Variants in MACROH2A1 observed in about 807,000 individuals in gnomAD.
MACROH2A1 encodes core histone macro-H2A.1.
A neutral mutation model predicts 31.6 loss-of-function variants in MACROH2A1; 2 were observed. That is an observed-to-expected ratio of 0.06 (90% confidence interval 0.03 to 0.20). The LOEUF (loss-of-function observed/expected upper bound fraction) is 0.20. Ranked by LOEUF, MACROH2A1 falls within the 10% of genes least tolerant of loss-of-function variation. The pLI is 1.00. For synonymous variants in MACROH2A1, 169 were observed against 189.6 expected (o/e 0.89, Z 0.89); for missense variants, 230 against 474.0 (o/e 0.49, Z 4.78).
Position 135,374,012 on chromosome 5 carries a change from A to G in MACROH2A1, c.173-3870T>C, listed in dbSNP as rs191491016. Among the ~76,000 whole-genome samples, 9 of 152,288 alleles carry G rather than the reference A, an allele frequency of 5.9e-5. No homozygotes were observed. The East Asian group carries it at 1.7e-3, about 29-fold the overall frequency. On this transcript the variant is annotated intron_variant, in intron 2 of 8. Coordinates refer to ENST00000511689, the MANE Select transcript of MACROH2A1 (RefSeq NM_138610.3). ...GAAACACACCTTTTATGAGAAGTAT[A>G]TTCAGTGTCCCACCCCTCTCCTGTG...
chr5:135,337,607 T>C (rs1314663748), intron 8 of MACROH2A1, among the ~76,000 whole-genome samples: 1 of 152,270 alleles, frequency 6.6e-6, no homozygotes, highest in Non-Finnish European at 1.5e-5. Flanking sequence ...TCTGGAGAGC[T>C]TGTCAAAACA....
At chr5:135,396,320 C>T (rs1767975802) in intron 1 of MACROH2A1, among the ~76,000 whole-genome samples, 2 of 152,322 alleles carry the variant, frequency 1.3e-5, no homozygotes, top group Middle Eastern at 3.4e-3. Context: ...GCCGAGTAGA[C>T]GTGTTCCCAA....
intron 8 of MACROH2A1, among the ~76,000 whole-genome samples, chr5:135,342,445 C>CTGAT (rs971023036): frequency 4.1e-4 from 62 of 152,328 alleles, no homozygotes; most frequent in African/African-American, 1.4e-3. Context: ...AGGCAGGAAC[C>CTGAT]TGATAGGTTA....
intron 5 of MACROH2A1, chr5:135,355,162 C>T (rs1762025126): frequency 6.6e-6 from 3 of 456,034 alleles, no homozygotes; most frequent in Non-Finnish European, 1.3e-5. Flanking sequence ...ACTCTCTTCG[C>T]GGGAGAACCA....
intron 1 of MACROH2A1, among the ~76,000 whole-genome samples, chr5:135,394,331 C>T (rs1767664478): frequency 6.6e-6 from 1 of 152,198 alleles, no homozygotes; most frequent in Admixed American, 6.5e-5. Flanking sequence ...CAATGTGCTC[C>T]CTCTTCTGCA....
intron 4 of MACROH2A1, 38 bp from the exon 5 acceptor site, chr5:135,360,645 G>GAC (rs1561608196): frequency 7.2e-7 from 1 of 1,397,744 alleles, no homozygotes; most frequent in Admixed American, 1.7e-5. Flanking sequence ...GGGCCACACA[G>GAC]ACACAGGCAT....
intron 2 of MACROH2A1, among the ~76,000 whole-genome samples, chr5:135,376,723 G>A (rs1258444262): frequency 6.6e-6 from 1 of 152,188 alleles, no homozygotes; most frequent in East Asian, 1.9e-4. Flanking sequence ...CAGGGGGAGT[G>A]ATACCTGAGG....
chr5:135,362,685 T>G (rs1762988747), intron 4 of MACROH2A1: 2 of 152,244 alleles, frequency 1.3e-5, no homozygotes, highest in Admixed American at 1.3e-4. Flanking sequence ...TTAACAGTTA[T>G]TAGAATTTGT....
intron 5 of MACROH2A1, chr5:135,354,929 A>G: frequency 2.7e-6 from 1 of 372,096 alleles, no homozygotes; most frequent in African/African-American, 2.1e-5. Context: ...AAGGAGAAAA[A>G]GACTCGATCT....
chr5:135,357,600 A>G (rs1189300473), intron 5 of MACROH2A1: 1 of 238,210 alleles, frequency 4.2e-6, no homozygotes, highest in African/African-American at 2.3e-5. Context: ...ACCATTTACC[A>G]TTAAGTCAGT....
chr5:135,391,631 G>C (rs968076175), intron 1 of MACROH2A1, among the ~76,000 whole-genome samples: 3 of 152,198 alleles, frequency 2.0e-5, no homozygotes, highest in African/African-American at 7.2e-5. Flanking sequence ...CTGATGGCAA[G>C]GGCCCACTTA....
chr5:135,351,547 T>A (rs1761564421), intron 6 of MACROH2A1: 1 of 57,730 alleles, frequency 1.7e-5, no homozygotes, highest in Non-Finnish European at 3.2e-5. Flanking sequence ...GGTTTAATTT[T>A]TTTTTTTTTT....
Position 135,348,354 on chromosome 5 carries a change from G to A in MACROH2A1, c.689-2297C>T, listed in dbSNP as rs150422153. Among the ~76,000 whole-genome samples the A allele has an allele frequency of 4.2e-3, 635 of 152,352 alleles. 4 individuals are homozygous for A. Among genetic ancestry groups the A allele is most frequent in the Admixed American group, 0.011 (170 of 15,306 alleles). On this transcript the variant is annotated intron_variant, in intron 6 of 8. Transcript: ENST00000511689. ...ACATGTGTTACTCCCATGAGAACAA[G>A]GACATTATTTCATGCTTAGAAAGCA...
At chr5:135,377,600 CA>C (rs1354973959) in intron 2 of MACROH2A1, among the ~76,000 whole-genome samples, 1 of 152,208 alleles carries the variant, frequency 6.6e-6, no homozygotes, top group Non-Finnish European at 1.5e-5. Context: ...TTCATCAAGA[CA>C]GGGGAGCAGC....
intron 5 of MACROH2A1, 110 bp downstream of exon 5, chr5:135,360,387 C>G: frequency 1.4e-6 from 1 of 733,780 alleles, no homozygotes; most frequent in South Asian, 1.6e-5. Context: ...TCTGTCTACC[C>G]ACGAGGCTGG....
chr5:135,364,957 G>A (rs780492901), intron 4 of MACROH2A1, among the ~76,000 whole-genome samples: 3 of 152,120 alleles, frequency 2.0e-5, no homozygotes, highest in Non-Finnish European at 4.4e-5. Context: ...TTATGATCTA[G>A]GAGGGTAGTT....
At position 135,368,759 on chromosome 5, in the gene MACROH2A1, C is replaced by T. The variant is rs181882073; in HGVS notation, c.477+647G>A. Among the ~76,000 whole-genome samples the T allele has an allele frequency of 1.5e-3, 228 of 152,298 alleles. 6 individuals carry two copies. The highest frequency in any genetic ancestry group is 2.5e-4 in the Non-Finnish European group (17 of 68,010). The stretch of plus-strand genomic sequence containing the variant: ...CACAGCAATCACAGGCCTGGACCTC[C>T]GGAGGGTGCTCCTCCACACTGAGGA... On this transcript the variant is annotated intron_variant, in intron 4 of 8. Coordinates refer to ENST00000511689, the MANE Select transcript of MACROH2A1 (RefSeq NM_138610.3).
In MACROH2A1 at chr5:135,370,154, A is replaced by G; in HGVS notation, c.173-12T>C. 3.9e-6 allele frequency: 6 copies of G among 1,557,342 alleles called. No individual in the cohort carries two copies. The highest frequency in any genetic ancestry group is 5.3e-6 in the Non-Finnish European group (6 of 1,131,322). On this transcript the variant is annotated splice_polypyrimidine_tract_variant and intron_variant, in intron 2 of 8. Transcript: ENST00000511689. ...CTCCAGAATCTCCGCTGTGGGGAGC[A>G]GAGATGAGTGTATGGTCATGTTAGA...
rs375231043 is a variant in MACROH2A1, at chr5:135,353,061, T to C, written c.589-16A>G. ...TAAGGTTCAGCTGCAAAGAAAAGCA[T>C]GAGGTGGGAAATAACAGGAGAGCTG... On this transcript the variant is annotated splice_polypyrimidine_tract_variant and intron_variant, in intron 5 of 8. Coordinates refer to ENST00000511689, the MANE Select transcript of MACROH2A1 (RefSeq NM_138610.3). The C allele has an allele frequency of 2.9e-4, 439 of 1,516,170 alleles. 3 individuals are homozygous for C. In the Middle Eastern group the frequency reaches 9.9e-3, roughly 34 times the overall value. The allele number at this position is 1,516,170 out of a possible 1,614,324, so 93.9% of individuals were successfully genotyped here.
Sources: gnomAD v4.1 joint callset for allele counts (sites outside exome capture counted in the v4.1 genomes callset) on GRCh38, gnomAD v4.1.1 for gene constraint, MANE v1.5 for transcripts, NCBI Gene and HGNC (gene_info 2026-07-23, HGNC 2026-07-21) for gene names.